Variants in ABCA8 observed in about 807,000 individuals in gnomAD.
The protein encoded by ABCA8 is ABC-type organic anion transporter ABCA8.
A neutral mutation model predicts 192.3 loss-of-function variants in ABCA8; 177 were observed. The ratio of observed to expected loss-of-function variants is 0.92; its 90% confidence interval spans 0.81 to 1.04. The LOEUF (loss-of-function observed/expected upper bound fraction) is 1.04, where lower values mean the gene tolerates loss of function less well. Among genes scored for constraint, ABCA8 ranks in the 50% least tolerant of loss-of-function variants. The pLI, the probability that ABCA8 is intolerant of heterozygous loss-of-function variation, is 0.00. For synonymous variants in ABCA8, 642 were observed against 690.2 expected (o/e 0.93, Z 1.09); for missense variants, 1,915 against 1,904.8 (o/e 1.01, Z -0.10).
intron 2 of ABCA8, 97 bp from the exon 3 acceptor site, chr17:68,942,136 A>G: frequency 2.5e-6 from 2 of 815,126 alleles, no homozygotes; most frequent in South Asian, 1.7e-5. Context: ...CTAATACTCC[A>G]ATGTTCCAAA....
Position 68,881,953 on chromosome 17 carries a change from G to A in ABCA8, c.3856C>T (p.Arg1286Cys), listed in dbSNP as rs202208717. 9.3e-5 allele frequency: 150 copies of A among 1,613,970 alleles called. 2 individuals are homozygous for A. Among genetic ancestry groups the A allele is most frequent in the South Asian group, 5.6e-4 (51 of 91,046 alleles). Residue 1286 changes from arginine (R) to cysteine (C), a missense_variant, in exon 31 of 40, where the codon CGC (arginine) becomes TGC (cysteine). Coordinates refer to ENST00000586539, the MANE Select transcript of ABCA8 (RefSeq NM_001288985.2). ...EKPVIIASCL[R>C]KEYAGKRKGC... is the part of the protein sequence containing the mutation. Reference sequence around the variant, plus strand: ...TTCCTCTTCCCTGCATACTCCTTGCGTAGACAGCTGGCAATGATGACTGGC... The same window carrying A: ...TTCCTCTTCCCTGCATACTCCTTGCATAGACAGCTGGCAATGATGACTGGC...
At chr17:68,900,606 C>A (rs575887126) in intron 21 of ABCA8, among the ~76,000 whole-genome samples, 2 of 148,782 alleles carry the variant, frequency 1.3e-5, no homozygotes, top group African/African-American at 4.9e-5. Flanking sequence ...GCAAGTATTA[C>A]CCTGATATCT....
At position 68,876,650 on chromosome 17, in the gene ABCA8, A is replaced by G. The variant is rs763510959; in HGVS notation, c.4253T>C (p.Leu1418Ser). The G allele has an allele frequency of 1.9e-5, 31 of 1,614,034 alleles. No homozygotes were observed. Among genetic ancestry groups the G allele is most frequent in the Middle Eastern group, 1.6e-4 (1 of 6,084 alleles). ...TACCTTTCTCTTTATTCCCTCTGAC[A>G]AGGTCTTCACGGGAGACTTCAGCTG... ...QDQLKSPVKT[L>S]SEGIKRKLCF... Residue 1418 changes from leucine (L) to serine (S), a missense_variant, in exon 34 of 40, where the codon TTG (leucine) becomes TCG (serine). Coordinates refer to ENST00000586539, the MANE Select transcript of ABCA8 (RefSeq NM_001288985.2).
In ABCA8 at chr17:68,887,484, C is replaced by T. The variant is rs753080939; in HGVS notation, c.3167G>A (p.Arg1056Gln). ...AGCAGAAGGGGAGAGTCCGGAAATC[C>T]GTAGCTGGGACCGAGCTCTGTTCTA... is the stretch of plus-strand genomic sequence containing the variant. ...DYKNRARSQL[R>Q]ISGLSPSAYW... Residue 1056 changes from arginine (R) to glutamine (Q), a missense_variant, in exon 25 of 40, where the codon CGG becomes CAG. By Grantham distance (43) the Arg-to-Gln change is conservative. Transcript: ENST00000586539. 16 of 1,611,266 alleles carry T rather than the reference C, an allele frequency of 9.9e-6. No individual in the cohort carries two copies. Among genetic ancestry groups the T allele is most frequent in the East Asian group, 4.5e-5 (2 of 44,854 alleles).
rs536998913 is a variant in ABCA8 at position 68,913,001 on chromosome 17, A to T, written c.2138+4360T>A. Reference sequence around the variant, plus strand: ...CTCAAGGATACACGATATGCTAGCCACAAAACAAGACTTAAATTTTTTTTT... The same window carrying T: ...CTCAAGGATACACGATATGCTAGCCTCAAAACAAGACTTAAATTTTTTTTT... On this transcript the variant is annotated intron_variant, in intron 17 of 39. Coordinates refer to ENST00000586539, the MANE Select transcript of ABCA8 (RefSeq NM_001288985.2). 2.0e-5 allele frequency among the ~76,000 whole-genome samples: 3 copies of T among 152,284 alleles called. No individual in the cohort carries two copies. The South Asian group carries it at 6.2e-4, about 32-fold the overall frequency.
chr17:68,875,574 G>C (rs1387017647), intron 36 of ABCA8, 40 bp downstream of exon 36: 2 of 1,606,326 alleles, frequency 1.2e-6, no homozygotes, highest in Non-Finnish European at 1.7e-6. Context: ...TTCCAGCAAT[G>C]CACCTTGGGC....
chr17:68,906,031 G>A lies in ABCA8; in HGVS notation c.2398+13C>T. On this transcript the variant is annotated intron_variant, in intron 19 of 39. Transcript: ENST00000586539. ...TGTGCTTTTACATAATAATTTTCAT[G>A]CATTTTATTTACCCGATTCATTAAT... 1 of 1,557,032 alleles carries A rather than the reference G, an allele frequency of 6.4e-7. No individual in the cohort carries two copies. The highest frequency in any genetic ancestry group is 1.2e-5 in the South Asian group (1 of 81,920).
chr17:68,953,964 G>A (rs2068641452), intron 1 of ABCA8, among the ~76,000 whole-genome samples: 1 of 151,974 alleles, frequency 6.6e-6, no homozygotes, highest in South Asian at 2.1e-4. Flanking sequence ...CTACAGAGAG[G>A]GCAAAAGTTT....
At chr17:68,879,003 C>T (rs1168277384) in intron 32 of ABCA8, 1 of 152,098 alleles carries the variant, frequency 6.6e-6, no homozygotes, top group African/African-American at 2.4e-5. Context: ...TAAAAGAGTT[C>T]TTAAGGTTTT....
rs1022753594 is a variant in ABCA8, at chr17:68,923,203, A to T, written c.1443-903T>A. Reference sequence around the variant, plus strand: ...TATTTAATTAGATATTATTATTATTATTATTTTTTTTTTTGAGAGAGAGTC... The same window carrying T: ...TATTTAATTAGATATTATTATTATTTTTATTTTTTTTTTTGAGAGAGAGTC... On this transcript the variant is annotated intron_variant, in intron 11 of 39. Coordinates refer to ENST00000586539, the MANE Select transcript of ABCA8 (RefSeq NM_001288985.2). Among the ~76,000 whole-genome samples, 464 of 111,100 alleles carry T rather than the reference A, an allele frequency of 4.2e-3. 5 individuals are homozygous for T. The highest frequency in any genetic ancestry group is 0.011 in the African/African-American group (396 of 36,152). The allele number at this position is 111,100 out of a possible 152,430, so 72.9% of individuals were successfully genotyped here. A position where few individuals can be genotyped will look rare whatever the true frequency, so the allele number is the denominator to read the frequency against.
chr17:68,928,145 T>A (rs2067754560), intron 9 of ABCA8, 82 bp from the exon 10 acceptor site: 1 of 1,132,198 alleles, frequency 8.8e-7, no homozygotes, highest in South Asian at 1.8e-5. Context: ...AGTAATGAAA[T>A]GACTACTTAT....
chr17:68,936,231 C>T (rs2068061284), intron 5 of ABCA8, among the ~76,000 whole-genome samples: 1 of 151,676 alleles, frequency 6.6e-6, no homozygotes, highest in African/African-American at 2.4e-5. Flanking sequence ...CTTTTGAGAA[C>T]TAAGTCACAA....
At position 68,898,488 on chromosome 17, in the gene ABCA8, C is replaced by A. The variant is rs763680425; in HGVS notation, c.2765-3475G>T. 2.6e-5 allele frequency among the ~76,000 whole-genome samples: 4 copies of A among 152,206 alleles called. No homozygotes were observed. The South Asian group carries it at 8.3e-4, about 32-fold the overall frequency. Reference sequence around the variant, plus strand: ...AATACTTAAAACTGAAAGCAAATAACCCCAGATGGCAATTTGAATCCAAGT... The same window carrying A: ...AATACTTAAAACTGAAAGCAAATAAACCCAGATGGCAATTTGAATCCAAGT... On this transcript the variant is annotated intron_variant, in intron 21 of 39. Transcript: ENST00000586539.
intron 17 of ABCA8, among the ~76,000 whole-genome samples, chr17:68,916,316 A>G (rs1567857409): frequency 2.0e-5 from 3 of 152,160 alleles, no homozygotes; most frequent in African/African-American, 7.2e-5. Context: ...TATACAGACT[A>G]TATTAATATT....
At chr17:68,918,711 A>T (rs1040503883) in intron 14 of ABCA8, among the ~76,000 whole-genome samples, 165 bp from the exon 15 acceptor site, 4 of 152,136 alleles carry the variant, frequency 2.6e-5, no homozygotes, top group African/African-American at 9.7e-5. Flanking sequence ...AGGCGGGCAG[A>T]TAACGAGGTG....
intron 21 of ABCA8, among the ~76,000 whole-genome samples, chr17:68,897,454 A>C (rs1203124695): frequency 2.0e-5 from 3 of 152,230 alleles, no homozygotes; most frequent in Non-Finnish European, 4.4e-5. Context: ...CATGCTAAAA[A>C]ATAAGAAAGT....
intron 11 of ABCA8, among the ~76,000 whole-genome samples, chr17:68,923,847 A>C (rs190057656): frequency 5.5e-4 from 83 of 152,182 alleles, no homozygotes; most frequent in Admixed American, 2.4e-3. Flanking sequence ...GATCTTAAGG[A>C]CTTTCTTCCT....
chr17:68,943,521 A>G (rs1304255636), intron 2 of ABCA8, among the ~76,000 whole-genome samples: 1 of 152,226 alleles, frequency 6.6e-6, no homozygotes, highest in African/African-American at 2.4e-5. Context: ...TAAATTCTCA[A>G]GAGAATGTTG....
intron 6 of ABCA8, among the ~76,000 whole-genome samples, chr17:68,932,946 C>A (rs1020559733): frequency 6.6e-6 from 1 of 152,132 alleles, no homozygotes; most frequent in African/African-American, 2.4e-5. Context: ...TAATAATTTT[C>A]TTATATTCCT....
Sources: allele counts gnomAD v4.1 joint callset (sites outside exome capture counted in the v4.1 genomes callset), GRCh38; gene constraint gnomAD v4.1.1; transcripts MANE v1.5; gene names NCBI Gene and HGNC (gene_info 2026-07-23, HGNC 2026-07-21).